Variants in MYO5B observed in about 807,000 individuals in gnomAD.
MYO5B encodes myosin VB, also known as unconventional myosin-Vb.
A neutral mutation model predicts 229.3 loss-of-function variants in MYO5B; 143 were observed. The ratio of observed to expected loss-of-function variants is 0.62; its 90% CI spans 0.54 to 0.72. MYO5B has a LOEUF of 0.72. MYO5B is among the 30% of genes least tolerant of loss of function. The pLI is 0.00. For missense variants in MYO5B, 2,321 were observed against 2,331.0 expected (o/e 1.00, Z 0.09); for synonymous variants, 918 against 885.2 (o/e 1.04, Z -0.66).
chr18:49,919,003 T>C (rs189841456), intron 17 of MYO5B, among the ~76,000 whole-genome samples: 16 of 152,340 alleles, frequency 1.1e-4, no homozygotes, highest in East Asian at 9.6e-4. Context: ...CCCTTTTCTA[T>C]CTGGAGGACT....
chr18:49,904,110 A>G (rs1452833658), intron 20 of MYO5B, among the ~76,000 whole-genome samples: 1 of 152,222 alleles, frequency 6.6e-6, no homozygotes, highest in African/African-American at 2.4e-5. Flanking sequence ...CCATGATTGG[A>G]TGCTGGGCCC....
At chr18:50,087,879 C>G (rs899975535) in intron 1 of MYO5B, among the ~76,000 whole-genome samples, 1 of 152,024 alleles carries the variant, frequency 6.6e-6, no homozygotes, top group African/African-American at 2.4e-5. Flanking sequence ...CTCATGCTAA[C>G]GGGGAAGCAC....
chr18:49,957,141 G>GAAAAAAAAAAAAAAAAAAAA (rs2025501586), intron 12 of MYO5B, among the ~76,000 whole-genome samples: 2 of 11,802 alleles, frequency 1.7e-4, no homozygotes, highest in Non-Finnish European at 3.5e-4. Context: ...AAATAAAGTA[G>GAAAAAAAAAAAAAAAAAAAA]CAAAAAAAAA....
intron 14 of MYO5B, among the ~76,000 whole-genome samples, chr18:49,949,420 TCTTTA>T (rs2025409490): frequency 6.6e-6 from 1 of 152,264 alleles, no homozygotes; most frequent in Non-Finnish European, 1.5e-5. Flanking sequence ...AAGAGGCATC[TCTTTA>T]CTTAAGTCTC....
At chr18:49,924,104 T>TTCTA (rs2025104174) in intron 17 of MYO5B, among the ~76,000 whole-genome samples, 1 of 152,170 alleles carries the variant, frequency 6.6e-6, no homozygotes, top group African/African-American at 2.4e-5. Flanking sequence ...AAACTGAGCT[T>TTCTA]TCTAATTGCT....
intron 2 of MYO5B, among the ~76,000 whole-genome samples, chr18:50,046,235 C>A (rs1198465437): frequency 6.6e-6 from 1 of 152,210 alleles, no homozygotes; most frequent in East Asian, 1.9e-4. Flanking sequence ...TCAACCCTCC[C>A]TGCACACTGG....
At chr18:50,145,825 G>A (rs904499361) in intron 1 of MYO5B, among the ~76,000 whole-genome samples, 156 of 152,028 alleles carry the variant, frequency 1.0e-3, no homozygotes, top group Non-Finnish European at 1.9e-3. Flanking sequence ...AAAATGGATG[G>A]TTTTCCATTA....
chr18:49,987,370 G>C (rs1319703400), intron 7 of MYO5B, among the ~76,000 whole-genome samples: 2 of 152,080 alleles, frequency 1.3e-5, no homozygotes, highest in South Asian at 2.1e-4. Context: ...CATCCAAATA[G>C]GACTCAGTCT....
chr18:49,918,903 A>G (rs972093700), intron 17 of MYO5B, among the ~76,000 whole-genome samples: 5 of 152,250 alleles, frequency 3.3e-5, no homozygotes, highest in Admixed American at 3.3e-4. Flanking sequence ...GGGACATAAG[A>G]GGCCAGAATC....
intron 1 of MYO5B, among the ~76,000 whole-genome samples, chr18:50,100,364 T>C (rs1465508924): frequency 1.3e-5 from 2 of 152,210 alleles, no homozygotes; most frequent in Admixed American, 6.5e-5. Flanking sequence ...GAGAATAACC[T>C]TTTCAGACAC....
At chr18:50,022,712 G>A (rs142414203) in intron 4 of MYO5B, among the ~76,000 whole-genome samples, 63 of 152,336 alleles carry the variant, frequency 4.1e-4, no homozygotes, top group Non-Finnish European at 6.8e-4. Context: ...CGGTCAGAGA[G>A]AATTCAGGAT....
At chr18:50,073,435 T>C (rs1251742363) in intron 1 of MYO5B, among the ~76,000 whole-genome samples, 2 of 152,164 alleles carry the variant, frequency 1.3e-5, no homozygotes, top group Non-Finnish European at 2.9e-5. Context: ...CCAAAACAAC[T>C]TGGCTTTCTT....
intron 5 of MYO5B, among the ~76,000 whole-genome samples, chr18:49,999,294 A>T (rs2026021267): frequency 6.6e-6 from 1 of 152,226 alleles, no homozygotes; most frequent in African/African-American, 2.4e-5. Flanking sequence ...GAGGTAGAAC[A>T]TGAGGTTAAT....
At chr18:50,168,862 G>A (rs1195750953) in intron 1 of MYO5B, among the ~76,000 whole-genome samples, 1 of 128,298 alleles carries the variant, frequency 7.8e-6, no homozygotes, top group Non-Finnish European at 1.7e-5. Flanking sequence ...CAGATCGGAA[G>A]TTACATTATC....
chr18:49,902,455 A>T, intron 21 of MYO5B, 139 bp downstream of exon 21: 1 of 1,136,206 alleles, frequency 8.8e-7, no homozygotes, highest in Non-Finnish European at 1.3e-6. Context: ...TGCCACAGTT[A>T]GTATCTGCTG....
intron 1 of MYO5B, among the ~76,000 whole-genome samples, chr18:50,122,101 G>A (rs1373745263): frequency 6.6e-6 from 1 of 152,106 alleles, no homozygotes; most frequent in Non-Finnish European, 1.5e-5. Flanking sequence ...CTGTTTCCTC[G>A]TGGAAAAAGC....
intron 39 of MYO5B, among the ~76,000 whole-genome samples, chr18:49,833,123 G>C (rs1191676859): frequency 1.3e-5 from 2 of 152,108 alleles, no homozygotes; most frequent in African/African-American, 4.8e-5. Flanking sequence ...ATAAAAATGG[G>C]AAAAGAAAGT....
chr18:49,992,462 A>G (rs1483959629), intron 5 of MYO5B, 31 bp from the exon 6 acceptor site: 2 of 1,614,160 alleles, frequency 1.2e-6, no homozygotes, highest in Admixed American at 1.7e-5. Context: ...AAGGTATGAA[A>G]AAAAAAGAGG....
intron 1 of MYO5B, among the ~76,000 whole-genome samples, chr18:50,105,757 G>C (rs1041472406): frequency 1.3e-5 from 2 of 151,856 alleles, no homozygotes; most frequent in Admixed American, 6.6e-5. Context: ...CAAAGCACAA[G>C]GCCTTGCATA....
Sources: gnomAD v4.1 joint callset for allele counts (sites outside exome capture counted in the v4.1 genomes callset) on GRCh38, gnomAD v4.1.1 for gene constraint, MANE v1.5 for transcripts, NCBI Gene and HGNC (gene_info 2026-07-23, HGNC 2026-07-21) for gene names.